The following COPS3 variants were observed in gnomAD, a reference collection of about 807,000 sequenced individuals.
COPS3 encodes the protein COP9 signalosome subunit 3.
A neutral mutation model predicts 58.2 loss-of-function variants in COPS3; 10 were observed. The observed-to-expected ratio is 0.17, with a 90% confidence interval of 0.11 to 0.29. COPS3 has a LOEUF of 0.29. COPS3 is among the 10% of genes least tolerant of loss of function. The pLI, the probability that COPS3 is intolerant of heterozygous loss-of-function variation, is 1.00. For missense variants in COPS3, 333 were observed against 510.1 expected (o/e 0.65, Z 3.34); for synonymous variants, 187 against 181.7 (o/e 1.03, Z -0.24).
In COPS3 at chr17:17,247,108, C is replaced by A. The variant is rs770806817; in HGVS notation, c.1262G>T (p.Ser421Ile). Residue 421 changes from serine to isoleucine, a missense_variant, in exon 12 of 12, where the codon AGT (serine) becomes ATT (isoleucine). Coordinates refer to ENST00000268717, the MANE Select transcript of COPS3 (RefSeq NM_003653.4). ...GGATGGATGTTAGTTTCAAGAATAA[C>A]TGGATGGTTTGTTTCCTGAATCATC... ...QEDDSGNKPSSYS is the reference protein window; with the variant it reads ...QEDDSGNKPSIYS 6.2e-7 allele frequency: 1 copy of A among 1,613,760 alleles called. No individual in the cohort carries two copies. The highest frequency in any genetic ancestry group is 1.1e-5 in the South Asian group (1 of 91,082).
intron 8 of COPS3, among the ~76,000 whole-genome samples, chr17:17,257,191 C>T (rs1291491382): frequency 6.6e-6 from 1 of 151,842 alleles, no homozygotes; most frequent in Non-Finnish European, 1.5e-5. Context: ...TGGCGAAACC[C>T]CGTGTCTACT....
chr17:17,250,799 T>C (rs1011710022), intron 9 of COPS3, among the ~76,000 whole-genome samples: 16 of 152,214 alleles, frequency 1.1e-4, no homozygotes, highest in African/African-American at 3.6e-4. Context: ...TTGGAAGGGA[T>C]AGATGCTATT....
rs962130864 is a variant in COPS3 at position 17,271,838 on chromosome 17, ATC to A, written c.186-832_186-831del. On this transcript the variant is annotated intron_variant, in intron 2 of 11. Coordinates refer to ENST00000268717, the MANE Select transcript of COPS3 (RefSeq NM_003653.4). ...TGTCTCAAAAAAAAAATCTATATAT[ATC>A]TATATATATATATATATACACACAT... 1.0e-4 allele frequency among the ~76,000 whole-genome samples: 8 copies of A among 76,460 alleles called. No homozygotes were observed. In the East Asian group the frequency reaches 1.9e-3, roughly 18 times the overall value. The allele number at this position is 76,460 out of a possible 152,430, so 50.2% of individuals were successfully genotyped here.
At chr17:17,275,510 G>A (rs941392112) in intron 2 of COPS3, among the ~76,000 whole-genome samples, 1 of 152,126 alleles carries the variant, frequency 6.6e-6, no homozygotes. Context: ...TTTTAAAAAT[G>A]ATAAAGTTGA....
chr17:17,247,047 C>A lies in COPS3; in HGVS notation c.*51G>T. The A allele has an allele frequency of 6.5e-7, 1 of 1,534,634 alleles. No homozygotes were observed. The highest frequency in any genetic ancestry group is 1.1e-5 in the South Asian group (1 of 89,314). On this transcript the variant is annotated 3_prime_UTR_variant, in exon 12 of 12. Coordinates refer to ENST00000268717, the MANE Select transcript of COPS3 (RefSeq NM_003653.4). The stretch of plus-strand genomic sequence containing the variant: ...TCTCTGCTGCCCTCCGAACACTTGT[C>A]ACTGGCCAAGATGGTAGTTTCTCTT...
At chr17:17,257,713 C>T (rs1476734762) in intron 8 of COPS3, among the ~76,000 whole-genome samples, 1 of 150,020 alleles carries the variant, frequency 6.7e-6, no homozygotes, top group Non-Finnish European at 1.5e-5. Context: ...AGGAGAATGG[C>T]GTGAACCCGG....
chr17:17,262,772 T>C (rs746713468), intron 6 of COPS3, among the ~76,000 whole-genome samples: 42 of 151,980 alleles, frequency 2.8e-4, no homozygotes, highest in Non-Finnish European at 5.7e-4. Flanking sequence ...CTCACTATGT[T>C]GCTCAGGCTG....
rs2048112474 is a variant in COPS3, at chr17:17,262,023, A to G, written c.705T>C (p.Leu235=). The G allele has an allele frequency of 6.2e-7, 1 of 1,607,520 alleles. No individual in the cohort carries two copies. ...ATTTTGGTAGCTGTTGTACTTTGCC[A>G]AGTAATATCAAAGACACTAAAATAT... The part of the protein sequence containing the change: ...KKYILVSLIL[L]GKVQQLPKYT... Residue 235 remains leucine (L), a synonymous_variant, in exon 7 of 12, where the codon CTT becomes CTC. Coordinates refer to ENST00000268717, the MANE Select transcript of COPS3 (RefSeq NM_003653.4).
chr17:17,271,134 T>C, intron 2 of COPS3, 126 bp from the exon 3 acceptor site: 2 of 753,876 alleles, frequency 2.7e-6, no homozygotes, highest in South Asian at 3.3e-5. Flanking sequence ...CAGTATTTTT[T>C]AGAATTAAGA....
At chr17:17,260,832 A>C in intron 7 of COPS3, 1 of 169,462 alleles carries the variant, frequency 5.9e-6, no homozygotes, top group Non-Finnish European at 1.3e-5. Context: ...AAAACAAACA[A>C]ACAAACTTCA....
At chr17:17,264,098 C>T (rs1024237518) in intron 6 of COPS3, among the ~76,000 whole-genome samples, 2 of 152,184 alleles carry the variant, frequency 1.3e-5, no homozygotes, top group Non-Finnish European at 2.9e-5. Context: ...GGTTCAGAGC[C>T]ACGGATGTGT....
chr17:17,252,911 G>A (rs945214653), intron 9 of COPS3, among the ~76,000 whole-genome samples: 1 of 152,160 alleles, frequency 6.6e-6, no homozygotes, highest in Non-Finnish European at 1.5e-5. Flanking sequence ...TAGAACACTT[G>A]TAAATTCAAC....
intron 6 of COPS3, among the ~76,000 whole-genome samples, chr17:17,263,465 C>CTGGGATTACA (rs749539265): frequency 3.1e-4 from 46 of 149,948 alleles, no homozygotes; most frequent in Non-Finnish European, 5.9e-4. Flanking sequence ...TCCCAGTGTG[C>CTGGGATTACA]TGGGATTACA....
chr17:17,248,849 T>C (rs2047778453), intron 10 of COPS3, 77 bp downstream of exon 10: 4 of 908,192 alleles, frequency 4.4e-6, no homozygotes, highest in Non-Finnish European at 6.8e-6. Context: ...ACTAAAATTA[T>C]CCTGGAACAT....
intron 8 of COPS3, among the ~76,000 whole-genome samples, chr17:17,258,280 G>A (rs556446833): frequency 3.2e-4 from 48 of 152,224 alleles, no homozygotes; most frequent in African/African-American, 1.2e-3. Context: ...ATTTCGAGTT[G>A]AGACTCTTCC....
chr17:17,261,592 G>C, intron 7 of COPS3: 1 of 389,420 alleles, frequency 2.6e-6, no homozygotes, highest in South Asian at 1.9e-5. Context: ...AGGCTCAGTG[G>C]CACACACCTG....
intron 8 of COPS3, among the ~76,000 whole-genome samples, chr17:17,258,546 T>C (rs1011143669): frequency 6.6e-6 from 1 of 152,230 alleles, no homozygotes; most frequent in Admixed American, 6.5e-5. Context: ...TTTATGTTTG[T>C]TAGCATTTGG....
intron 1 of COPS3, chr17:17,280,712 TC>T (rs2048562102): frequency 7.9e-7 from 1 of 1,265,148 alleles, no homozygotes; most frequent in Admixed American, 2.9e-5. Context: ...TCCCGCCCGC[TC>T]CCGGCGGCCT....
intron 1 of COPS3, chr17:17,280,661 G>A (rs1047833214): frequency 3.1e-6 from 4 of 1,305,642 alleles, no homozygotes; most frequent in Non-Finnish European, 4.0e-6. Context: ...GGAGCTGGCA[G>A]AGGCGAGCCA....
Sources: allele counts gnomAD v4.1 joint callset (sites outside exome capture counted in the v4.1 genomes callset), GRCh38; gene constraint gnomAD v4.1.1; transcripts MANE v1.5; gene names NCBI Gene and HGNC (gene_info 2026-07-23, HGNC 2026-07-21).